FAIM2: variants seen among roughly 807,000 people sequenced by gnomAD.
The protein encoded by FAIM2 is protein lifeguard 2.
FAIM2 carries 27 observed loss-of-function variants against 47.4 expected under a neutral mutation model. That is an observed-to-expected ratio of 0.57 (90% CI 0.42 to 0.78). The LOEUF (loss-of-function observed/expected upper bound fraction) is 0.78. FAIM2 is among the 30% of genes least tolerant of loss of function. The pLI is 0.00. For missense variants in FAIM2, 311 were observed against 389.4 expected, an observed-to-expected ratio of 0.80 and a Z score of 1.69; for synonymous variants, 156 against 159.3, an observed-to-expected ratio of 0.98 and a Z score of 0.16.
In FAIM2 at chr12:49,874,192, A is replaced by C. The variant is rs1002833031; in HGVS notation, c.802-3539T>G. Reference sequence around the variant, plus strand: ...TGTTCAGCTGAACAGGAGACTCTGCAGGAGGAGCACATGGGATGGGGCAGG... The same window carrying C: ...TGTTCAGCTGAACAGGAGACTCTGCCGGAGGAGCACATGGGATGGGGCAGG... On this transcript the variant is annotated intron_variant, in intron 11 of 11. Transcript: ENST00000320634. The surrounding 1 kb of genome is among the most constrained non-coding windows in gnomAD (Gnocchi z 4.2). Among the ~76,000 whole-genome samples the C allele has an allele frequency of 6.6e-6, 1 of 152,230 alleles. No individual in the cohort carries two copies. The highest frequency in any genetic ancestry group is 1.5e-5 in the Non-Finnish European group (1 of 68,040).
At chr12:49,877,794 ATG>A (rs750347901) in intron 11 of FAIM2, among the ~76,000 whole-genome samples, 3 of 151,010 alleles carry the variant, frequency 2.0e-5, no homozygotes, top group Admixed American at 6.6e-5. Context: ...ATGTGTATAT[ATG>A]TGTGTGAGTG....
At chr12:49,895,992 C>T (rs544596033) in intron 5 of FAIM2, among the ~76,000 whole-genome samples, 1 of 152,366 alleles carries the variant, frequency 6.6e-6, no homozygotes, top group East Asian at 1.9e-4. Context: ...ATTCTCGCCC[C>T]ACGCTTTTGC....
intron 1 of FAIM2, chr12:49,902,323 A>C (rs1399670187): frequency 6.6e-6 from 1 of 152,248 alleles, no homozygotes; most frequent in Non-Finnish European, 1.5e-5. Context: ...GGCTCTCAGA[A>C]AATGGGATTT....
chr12:49,891,969 C>G (rs182844966), intron 5 of FAIM2, among the ~76,000 whole-genome samples: 44 of 152,208 alleles, frequency 2.9e-4, no homozygotes, highest in Non-Finnish European at 1.6e-4. Context: ...GTTAGCGGTG[C>G]CACCAATGCA....
At chr12:49,883,192 A>G (rs138954006) in intron 11 of FAIM2, among the ~76,000 whole-genome samples, 1 of 152,208 alleles carries the variant, frequency 6.6e-6, no homozygotes, top group East Asian at 1.9e-4. Context: ...GGGATGCTCA[A>G]CGGAGGAACG....
Position 49,880,172 on chromosome 12 carries a change from G to GTCTGTGTGCA in FAIM2, c.801+7213_801+7214insTGCACACAGA, listed in dbSNP as rs1223100160. ...TGTATGTGTGTGCATGTGTGTATGT[G>GTCTGTGTGCA]TGTGTATGCATGTGTGTATATGTGC... On this transcript the variant is annotated intron_variant, in intron 11 of 11. Transcript: ENST00000320634. 1.5e-4 allele frequency among the ~76,000 whole-genome samples: 20 copies of GTCTGTGTGCA among 134,746 alleles called. No individual in the cohort carries two copies. The East Asian group carries it at 3.7e-3, about 25-fold the overall frequency. The allele number at this position is 134,746 out of a possible 152,430, so 88.4% of individuals were successfully genotyped here. A position where few individuals can be genotyped will look rare whatever the true frequency, so the allele number is the denominator to read the frequency against.
chr12:49,899,778 G>A (rs1332273407), intron 2 of FAIM2, among the ~76,000 whole-genome samples: 1 of 152,200 alleles, frequency 6.6e-6, no homozygotes, highest in African/African-American at 2.4e-5. Flanking sequence ...GCTCTCTGAG[G>A]ACAGAGATCC....
At chr12:49,884,254 G>C (rs1946845818) in intron 11 of FAIM2, among the ~76,000 whole-genome samples, 1 of 151,622 alleles carries the variant, frequency 6.6e-6, no homozygotes, top group Admixed American at 6.6e-5. Context: ...AACAGAGAGA[G>C]AGAGAGAATG....
chr12:49,900,924 T>C (rs1946977244), intron 2 of FAIM2, among the ~76,000 whole-genome samples: 1 of 151,854 alleles, frequency 6.6e-6, no homozygotes, highest in African/African-American at 2.4e-5. Flanking sequence ...AGCACCCTGA[T>C]GCAGACATTG....
intron 6 of FAIM2, 129 bp from the exon 7 acceptor site, chr12:49,890,851 C>G (rs1250522874): frequency 1.5e-5 from 13 of 896,488 alleles, no homozygotes; most frequent in Non-Finnish European, 2.2e-5. Flanking sequence ...CTTCCTTCAG[C>G]CACATCCCCA....
At chr12:49,890,203 G>T (rs750900044) in intron 7 of FAIM2, 49 bp from the exon 8 acceptor site, 22 of 1,591,588 alleles carry the variant, frequency 1.4e-5, no homozygotes, top group Non-Finnish European at 3.4e-6. Context: ...AGACGCAGGG[G>T]CCCAGGCACC....
chr12:49,883,609 A>T (rs188114910), intron 11 of FAIM2, among the ~76,000 whole-genome samples: 7 of 152,234 alleles, frequency 4.6e-5, no homozygotes, highest in Admixed American at 1.3e-4. Context: ...CAAGAGAGAG[A>T]TCCAGGATAG....
At chr12:49,886,924 C>T (rs367741528) in intron 11 of FAIM2, among the ~76,000 whole-genome samples, 10 of 152,170 alleles carry the variant, frequency 6.6e-5, no homozygotes, top group Non-Finnish European at 1.3e-4. Flanking sequence ...CATCAACATT[C>T]TCAGTTTCGT....
Position 49,890,111 on chromosome 12 carries a change from C to G in FAIM2, c.563+6G>C, listed in dbSNP as rs1946889435. 6.2e-7 allele frequency: 1 copy of G among 1,613,886 alleles called. No individual in the cohort carries two copies. The highest frequency in any genetic ancestry group is 8.5e-7 in the Non-Finnish European group (1 of 1,179,798). On this transcript the variant is annotated splice_donor_region_variant and intron_variant, in intron 8 of 11. Transcript: ENST00000320634. Reference sequence around the variant, plus strand: ...GTCCTTCTCTCCTTCCACCTGTTCCCTTTACCTGGACAGCATCCCAGTGAG... The same window carrying G: ...GTCCTTCTCTCCTTCCACCTGTTCCGTTTACCTGGACAGCATCCCAGTGAG...
At chr12:49,880,468 GCA>G (rs1178883338) in intron 11 of FAIM2, among the ~76,000 whole-genome samples, 11 of 149,082 alleles carry the variant, frequency 7.4e-5, no homozygotes, top group African/African-American at 2.7e-4. Context: ...ATGTGTGTGT[GCA>G]TGAGTGCATG....
intron 4 of FAIM2, 101 bp from the exon 5 acceptor site, chr12:49,897,185 G>A (rs1946943734): frequency 5.7e-6 from 6 of 1,060,576 alleles, no homozygotes; most frequent in Non-Finnish European, 7.4e-6. Context: ...CAGAACTTGA[G>A]AGGAAGCCAA....
chr12:49,896,837 T>C (rs1946940970), intron 5 of FAIM2, among the ~76,000 whole-genome samples, 194 bp downstream of exon 5: 1 of 152,142 alleles, frequency 6.6e-6, no homozygotes, highest in Admixed American at 6.5e-5. Flanking sequence ...TCAGATGTAA[T>C]GCCCCAGAAA....
At chr12:49,883,403 G>T (rs1946839910) in intron 11 of FAIM2, among the ~76,000 whole-genome samples, 1 of 151,876 alleles carries the variant, frequency 6.6e-6, no homozygotes, top group African/African-American at 2.4e-5. Context: ...GATGTAGGGG[G>T]TGAGGAGAGG....
At chr12:49,891,034 C>A in intron 6 of FAIM2, 30 bp downstream of exon 6, 1 of 1,611,032 alleles carries the variant, frequency 6.2e-7, no homozygotes, top group South Asian at 1.1e-5. Context: ...CTCATATTCC[C>A]ACAAGTTCCT....
Sources: allele counts gnomAD v4.1 joint callset (sites outside exome capture counted in the v4.1 genomes callset), GRCh38; gene constraint gnomAD v4.1.1; non-coding constraint Gnocchi (gnomAD v3.1); transcripts MANE v1.5; gene names NCBI Gene and HGNC (gene_info 2026-07-23, HGNC 2026-07-21).